GRIA1: variants seen among roughly 807,000 people sequenced by gnomAD.
GRIA1 encodes the protein glutamate receptor 1.
Under a neutral mutation model 99.2 loss-of-function variants are expected in GRIA1, and 31 were observed. The ratio of observed to expected loss-of-function variants is 0.31; its 90% confidence interval spans 0.23 to 0.42. The LOEUF is 0.42. Among genes scored for constraint, GRIA1 ranks in the 10% least tolerant of loss-of-function variants. The pLI, the probability that GRIA1 is intolerant of heterozygous loss-of-function variation, is 1.00. For missense variants in GRIA1, 782 were observed against 1,157.5 expected (o/e 0.68, Z 4.71); for synonymous variants, 438 against 432.4 (o/e 1.01, Z -0.16).
intron 2 of GRIA1, among the ~76,000 whole-genome samples, chr5:153,632,489 G>C (rs1291947685): frequency 2.6e-5 from 4 of 152,186 alleles, no homozygotes; most frequent in Non-Finnish European, 5.9e-5. Context: ...CTCAGAGCAA[G>C]CAACTTAACT....
intron 2 of GRIA1, among the ~76,000 whole-genome samples, chr5:153,568,473 G>A (rs772735643): frequency 2.0e-5 from 3 of 152,094 alleles, no homozygotes; most frequent in Non-Finnish European, 2.9e-5. Flanking sequence ...AATATCATCA[G>A]AAACAGTCGA....
chr5:153,665,572 T>C (rs935895534), intron 5 of GRIA1, among the ~76,000 whole-genome samples: 1 of 152,190 alleles, frequency 6.6e-6, no homozygotes, highest in Non-Finnish European at 1.5e-5. Context: ...ACATGGGTAT[T>C]TGAGGACACA....
At chr5:153,679,348 T>A (rs778178631) in intron 7 of GRIA1, among the ~76,000 whole-genome samples, 3 of 152,264 alleles carry the variant, frequency 2.0e-5, no homozygotes, top group Non-Finnish European at 2.9e-5. Flanking sequence ...TTCAAATCGA[T>A]TCATTTTCCA....
At chr5:153,714,888 C>T (rs1053535561) in intron 11 of GRIA1, among the ~76,000 whole-genome samples, 4 of 152,172 alleles carry the variant, frequency 2.6e-5, no homozygotes, top group African/African-American at 7.2e-5. Flanking sequence ...GTGTCAAGAA[C>T]ACTAATAGAA....
chr5:153,763,345 T>C (rs2149606796), intron 11 of GRIA1, among the ~76,000 whole-genome samples: 1 of 152,288 alleles, frequency 6.6e-6, no homozygotes, highest in African/African-American at 2.4e-5. Context: ...GTAAAACTCA[T>C]GGGTTGCATT....
intron 2 of GRIA1, among the ~76,000 whole-genome samples, chr5:153,553,217 G>A (rs951673150): frequency 2.0e-5 from 3 of 152,166 alleles, no homozygotes; most frequent in Non-Finnish European, 4.4e-5. Context: ...TTTCACCCTG[G>A]TGATGCTCAT....
chr5:153,604,251 T>A (rs891816592), intron 2 of GRIA1, among the ~76,000 whole-genome samples: 1 of 152,150 alleles, frequency 6.6e-6, no homozygotes, highest in Admixed American at 6.5e-5. Flanking sequence ...GCCAAGCTCT[T>A]GCCTCAGAAT....
intron 11 of GRIA1, among the ~76,000 whole-genome samples, chr5:153,719,508 C>A (rs1759905121): frequency 6.6e-6 from 1 of 151,988 alleles, no homozygotes; most frequent in Admixed American, 6.6e-5. Context: ...GCAGCCGAGG[C>A]TTTTGGCCTG....
At chr5:153,793,973 A>T (rs539174931) in intron 13 of GRIA1, among the ~76,000 whole-genome samples, 1 of 152,346 alleles carries the variant, frequency 6.6e-6, no homozygotes, top group African/African-American at 2.4e-5. Context: ...TGGCCTTCTG[A>T]TGAATCTGTT....
intron 11 of GRIA1, among the ~76,000 whole-genome samples, chr5:153,758,276 T>C (rs1297824678): frequency 1.3e-5 from 2 of 151,970 alleles, no homozygotes; most frequent in South Asian, 2.1e-4. Context: ...TTAATAAAAA[T>C]AAATAAGACC....
chr5:153,612,911 C>T (rs1299043360), intron 2 of GRIA1, among the ~76,000 whole-genome samples: 2 of 151,388 alleles, frequency 1.3e-5, no homozygotes, highest in Admixed American at 6.6e-5. Flanking sequence ...ATCTTAGGCT[C>T]ACTCAGCTGG....
intron 13 of GRIA1, among the ~76,000 whole-genome samples, chr5:153,774,073 T>TCC (rs1386593182): frequency 5.5e-4 from 12 of 21,824 alleles, no homozygotes; most frequent in African/African-American, 1.3e-3. Context: ...CAACCCCCCC[T>TCC]CCCCCCACAC....
chr5:153,693,808 C>G (rs1757920700), intron 8 of GRIA1, among the ~76,000 whole-genome samples: 1 of 152,222 alleles, frequency 6.6e-6, no homozygotes, highest in South Asian at 2.1e-4. Context: ...TGCATATCCT[C>G]AGTAGAGAAT....
In GRIA1 at chr5:153,699,026, C is replaced by A; in HGVS notation, c.1405C>A (p.Pro469Thr). ...TGATGGAAAATACGGAGCCCGAGAC[C>A]CTGACACGAAGGCCTGGAATGGCAT... Reference protein sequence around the residue: ...VSDGKYGARDPDTKAWNGMVG... With the variant: ...VSDGKYGARDTDTKAWNGMVG... Residue 469 changes from proline (P) to threonine (T), a missense_variant, in exon 10 of 16, where the codon CCT (proline) becomes ACT (threonine). By Grantham distance (38) the Pro-to-Thr change is conservative. Around this residue, in one of 5 missense-constraint regions of GRIA1, gnomAD observed 87 missense variants for 184.5 expected, o/e 0.47. Coordinates refer to ENST00000285900, the MANE Select transcript of GRIA1 (RefSeq NM_000827.4). 6.2e-7 allele frequency: 1 copy of A among 1,613,988 alleles called. No individual in the cohort carries two copies. The highest frequency in any genetic ancestry group is 8.5e-7 in the Non-Finnish European group (1 of 1,179,936).
At chr5:153,629,972 A>G (rs1307062188) in intron 2 of GRIA1, among the ~76,000 whole-genome samples, 2 of 152,126 alleles carry the variant, frequency 1.3e-5, no homozygotes, top group Non-Finnish European at 2.9e-5. Flanking sequence ...ATTATAATAG[A>G]CATGTTGCAA....
intron 2 of GRIA1, among the ~76,000 whole-genome samples, chr5:153,524,764 C>G (rs475583): frequency 0.89 from 135,928 of 152,164 alleles, 61,966 homozygotes; most frequent in African/African-American, 0.98. Flanking sequence ...TTTGTACCTT[C>G]TTGGCCAACA....
chr5:153,620,144 T>C (rs1766894235), intron 2 of GRIA1, among the ~76,000 whole-genome samples: 2 of 152,202 alleles, frequency 1.3e-5, no homozygotes, highest in African/African-American at 4.8e-5. Context: ...TGAAAAGCAT[T>C]ACCCCTCTGT....
intron 2 of GRIA1, among the ~76,000 whole-genome samples, chr5:153,588,979 T>G (rs1315869616): frequency 2.0e-5 from 3 of 152,078 alleles, no homozygotes; most frequent in Non-Finnish European, 4.4e-5. Flanking sequence ...GATGAATAAA[T>G]AAATGAATAA....
rs1307441444 is a variant in GRIA1, at chr5:153,724,457, A to G, written c.1823+18390A>G. ...GACGATCAAACTACTCCGAGCTACA[A>G]GAGGAAATTCAAACCAAAGGCAAAG... On this transcript the variant is annotated intron_variant, in intron 11 of 15. Transcript: ENST00000285900. Among the ~76,000 whole-genome samples the G allele has an allele frequency of 3.3e-5, 5 of 152,170 alleles. No individual in the cohort carries two copies. The East Asian group carries it at 9.6e-4, about 29-fold the overall frequency.
Sources: allele counts gnomAD v4.1 joint callset (sites outside exome capture counted in the v4.1 genomes callset), GRCh38; gene constraint gnomAD v4.1.1; regional missense constraint gnomAD v4.1.1; transcripts MANE v1.5; gene names NCBI Gene and HGNC (gene_info 2026-07-23, HGNC 2026-07-21).